The following KIF5B variants were observed in gnomAD, a reference collection of about 807,000 sequenced individuals.
The protein encoded by KIF5B is kinesin family member 5B.
KIF5B carries 49 observed loss-of-function variants against 132.8 expected under a neutral mutation model. The ratio of observed to expected loss-of-function variants is 0.37; its 90% CI spans 0.29 to 0.47. The LOEUF (loss-of-function observed/expected upper bound fraction) is 0.47. KIF5B is among the 20% of genes least tolerant of loss of function. The pLI is 1.00. For synonymous variants in KIF5B, 355 were observed against 369.4 expected (o/e 0.96, Z 0.45); for missense variants, 780 against 1,144.0 (o/e 0.68, Z 4.59).
At position 32,029,283 on chromosome 10, in the gene KIF5B, A is replaced by G. The variant is rs180936726; in HGVS notation, c.1582-712T>C. Among the ~76,000 whole-genome samples, 245 of 152,326 alleles carry G rather than the reference A, an allele frequency of 1.6e-3. 1 individual carries two copies. The highest frequency in any genetic ancestry group is 2.2e-3 in the Non-Finnish European group (152 of 68,032). On this transcript the variant is annotated intron_variant, in intron 14 of 25. Transcript: ENST00000302418. ...TTGAGTGCTTGCATGATGCTCAAAGAAAATGCTCACTGAAGCATTTTGGAC... is the reference window on the plus strand; with the variant it reads ...TTGAGTGCTTGCATGATGCTCAAAGGAAATGCTCACTGAAGCATTTTGGAC...
intron 13 of KIF5B, 47 bp from the exon 14 acceptor site, chr10:32,031,326 T>TA: frequency 7.0e-7 from 1 of 1,432,684 alleles, no homozygotes; most frequent in East Asian, 2.3e-5. Flanking sequence ...ATACAGGTTT[T>TA]AAAAAACACC....
Position 32,034,803 on chromosome 10 carries a change from A to G in KIF5B, c.998T>C (p.Val333Ala). 6.2e-7 allele frequency: 1 copy of G among 1,602,566 alleles called. No individual in the cohort carries two copies. The highest frequency in any genetic ancestry group is 1.7e-5 in the Admixed American group (1 of 58,118). The stretch of plus-strand genomic sequence containing the variant: ...TTTCCACTGTTCTGCAGTTAACTCC[A>G]CATTGACACAAACTGTGTTCTTAAT... ...KTIKNTVCVN[V>A]ELTAEQWKKK... The change falls in exon 11 of 26, where the codon GTG (valine) becomes GCG (alanine). Residue 333 changes from valine (V) to alanine (A), a missense_variant. Around this residue, in one of 9 missense-constraint regions of KIF5B, gnomAD observed 471 missense variants for 569.9 expected, o/e 0.83. Coordinates refer to ENST00000302418, the MANE Select transcript of KIF5B (RefSeq NM_004521.3).
chr10:32,025,589 T>A (rs1199063021), intron 15 of KIF5B, among the ~76,000 whole-genome samples: 3 of 152,098 alleles, frequency 2.0e-5, no homozygotes, highest in Non-Finnish European at 4.4e-5. Flanking sequence ...TTGGCCAGGC[T>A]GGTCTCAAAC....
chr10:32,055,709 T>A, intron 1 of KIF5B, 139 bp downstream of exon 1: 1 of 1,190,516 alleles, frequency 8.4e-7, no homozygotes, highest in Non-Finnish European at 1.2e-6. Flanking sequence ...CACTGGGTTA[T>A]CTGAACCGGC....
chr10:32,051,497 A>G (rs983640344), intron 1 of KIF5B, among the ~76,000 whole-genome samples: 5 of 152,192 alleles, frequency 3.3e-5, no homozygotes, highest in African/African-American at 4.8e-5. Context: ...GAAGCTGCTT[A>G]CTCTAGTTAT....
Position 32,022,195 on chromosome 10 carries a change from CTG to C in KIF5B, c.1975_1976del (p.Gln659ValfsTer10). The C allele has an allele frequency of 6.2e-7, 1 of 1,613,568 alleles. No individual in the cohort carries two copies. The highest frequency in any genetic ancestry group is 8.5e-7 in the Non-Finnish European group (1 of 1,179,748). Reference protein sequence around the residue: ...YLQNVEQKKRQLEESVDALSE... With the variant: ...YLQNVEQKKRXLEESVDALSE... ...TGAGGGCATCGACAGATTCCTCCAA[CTG>C]TCTTTTCTTTTGTTCCACATTTTGA... On this transcript the variant is annotated frameshift_variant, in exon 17 of 26. Coordinates refer to ENST00000302418, the MANE Select transcript of KIF5B (RefSeq NM_004521.3). LOFTEE classifies it high-confidence loss of function.
chr10:32,027,473 TTCTC>T (rs1431860640), intron 15 of KIF5B, among the ~76,000 whole-genome samples: 6 of 126,988 alleles, frequency 4.7e-5, no homozygotes, highest in Non-Finnish European at 1.1e-4. Flanking sequence ...CATTGTATTA[TTCTC>T]TCTACTATTA....
chr10:32,018,605 G>GC (rs1474838659), intron 20 of KIF5B, 43 bp from the exon 21 acceptor site: 1 of 996,890 alleles, frequency 1.0e-6, no homozygotes, highest in East Asian at 2.7e-5. Flanking sequence ...ATTTTATTCT[G>GC]TATATTGTAC....
At chr10:32,019,723 C>A in intron 20 of KIF5B, 135 bp downstream of exon 20, 1 of 558,564 alleles carries the variant, frequency 1.8e-6, no homozygotes, top group South Asian at 2.6e-5. Flanking sequence ...ATCAAACCAA[C>A]TCAGTGGATT....
In KIF5B at chr10:32,038,217, A is replaced by C. The variant is rs1189308569; in HGVS notation, c.444T>G (p.Val148=). The C allele has an allele frequency of 1.9e-6, 3 of 1,604,290 alleles. No homozygotes were observed. Among genetic ancestry groups the C allele is most frequent in the Non-Finnish European group, 2.6e-6 (3 of 1,171,990 alleles). Residue 148 remains valine, a splice_region_variant and synonymous_variant, in exon 6 of 26, where the codon GTT becomes GTG. Transcript: ENST00000302418. ...YLDKIRDLLD[V]SKTNLSVHED... is the part of the protein sequence containing the mutation. ...CATGAACTGAAAGGTTGGTCTTTGAAACTGAGAAAGAAAAACAAATGTTAG... is the reference window on the plus strand; with the variant it reads ...CATGAACTGAAAGGTTGGTCTTTGACACTGAGAAAGAAAAACAAATGTTAG...
At chr10:32,024,593 G>T (rs996307057) in intron 15 of KIF5B, among the ~76,000 whole-genome samples, 20 of 150,810 alleles carry the variant, frequency 1.3e-4, no homozygotes, top group Non-Finnish European at 2.2e-4. Flanking sequence ...GCGAAACCCA[G>T]TTGCTACTAA....
chr10:32,021,590 G>GACAC lies in KIF5B; in HGVS notation c.2033-307_2033-304dup, dbSNP rs3029348. Reference sequence around the variant, plus strand: ...ATAACTCCTAAGTCCCCTATGTTAAGACACACACACACACACACCCCGCTT... The same window carrying GACAC: ...ATAACTCCTAAGTCCCCTATGTTAAGACACACACACACACACACACACCCCGCTT... On this transcript the variant is annotated intron_variant, in intron 17 of 25. Transcript: ENST00000302418. Among the ~76,000 whole-genome samples, 658 of 148,466 alleles carry GACAC rather than the reference G, an allele frequency of 4.4e-3. 4 individuals carry two copies. Among genetic ancestry groups the GACAC allele is most frequent in the South Asian group, 0.018 (87 of 4,706 alleles).
chr10:32,033,010 TAAA>T (rs1388276019), intron 12 of KIF5B, among the ~76,000 whole-genome samples: 1 of 152,250 alleles, frequency 6.6e-6, no homozygotes, highest in Admixed American at 6.5e-5. Context: ...TAAAATATAT[TAAA>T]AATATCAACT....
In KIF5B at chr10:32,034,876, G is replaced by A. The variant is rs769620255; in HGVS notation, c.963-38C>T. 5.4e-6 allele frequency: 8 copies of A among 1,494,084 alleles called. No homozygotes were observed. In the East Asian group the frequency reaches 1.4e-4, roughly 27 times the overall value. 92.6% of individuals were successfully genotyped at this position (1,494,084 alleles called of 1,614,324 possible). A position where few individuals can be genotyped will look rare whatever the true frequency, so the allele number is the denominator to read the frequency against. ...ATTGGAGGAAAAAAAGGATGAGACT[G>A]AAATTATTTTTAATTTTATCTATAT... On this transcript the variant is annotated intron_variant, in intron 10 of 25. Transcript: ENST00000302418.
rs917239328 is a variant in KIF5B, at chr10:32,037,181, C to G, written c.711+73G>C. 6 of 1,427,104 alleles carry G rather than the reference C, an allele frequency of 4.2e-6. No homozygotes were observed. In the African/African-American group the frequency reaches 8.5e-5, roughly 20 times the overall value. The allele number at this position is 1,427,104 out of a possible 1,614,324, so 88.4% of individuals were successfully genotyped here. On this transcript the variant is annotated intron_variant, in intron 8 of 25. Transcript: ENST00000302418. ...GGTAAGTAAGATGCAACAATGAACC[C>G]TGCGTAACTCCCAACTCAAACTAAA...
intron 24 of KIF5B, among the ~76,000 whole-genome samples, chr10:32,016,455 T>TAA (rs1841165689): frequency 6.6e-6 from 1 of 151,524 alleles, no homozygotes; most frequent in Admixed American, 6.6e-5. Flanking sequence ...AAACTCCATC[T>TAA]CAAAAAACAA....
rs558610192 is a variant in KIF5B, at chr10:32,041,945, T to G, written c.215-1488A>C. ...GCACCTGACCCTCCTATGAAATTTT[T>G]TTCTAGCCTCTGACATTAACATTTA... On this transcript the variant is annotated intron_variant, in intron 2 of 25. Coordinates refer to ENST00000302418, the MANE Select transcript of KIF5B (RefSeq NM_004521.3). 1.8e-4 allele frequency among the ~76,000 whole-genome samples: 28 copies of G among 152,346 alleles called. No individual in the cohort carries two copies. In the South Asian group the frequency reaches 4.1e-3, roughly 23 times the overall value.
Position 32,014,397 on chromosome 10 carries a change from G to C in KIF5B, c.*20+1112C>G, listed in dbSNP as rs546991645. 7.9e-3 allele frequency among the ~76,000 whole-genome samples: 1,199 copies of C among 151,842 alleles called. 13 individuals are homozygous for C. Among genetic ancestry groups the C allele is most frequent in the Middle Eastern group, 0.024 (7 of 292 alleles). On this transcript the variant is annotated intron_variant, in intron 25 of 25. Coordinates refer to ENST00000302418, the MANE Select transcript of KIF5B (RefSeq NM_004521.3). ...CAAGAACGAGGCTCCGTCTCGGAGTGGGGCAGGGGGGTGTGGGGTTTGTGG... is the reference window on the plus strand; with the variant it reads ...CAAGAACGAGGCTCCGTCTCGGAGTCGGGCAGGGGGGTGTGGGGTTTGTGG...
intron 1 of KIF5B, 142 bp downstream of exon 1, chr10:32,055,706 T>A: frequency 8.8e-7 from 1 of 1,139,426 alleles, no homozygotes; most frequent in South Asian, 1.5e-5. Flanking sequence ...CTCCACTGGG[T>A]TATCTGAACC....
Sources: gnomAD v4.1 joint callset for allele counts (sites outside exome capture counted in the v4.1 genomes callset) on GRCh38, gnomAD v4.1.1 for gene constraint, gnomAD v4.1.1 regional missense constraint, MANE v1.5 for transcripts, NCBI Gene and HGNC (gene_info 2026-07-23, HGNC 2026-07-21) for gene names.